Variants in EREG observed in about 807,000 individuals in gnomAD.
EREG encodes the protein epiregulin.
Under a neutral mutation model 22.4 loss-of-function variants are expected in EREG, and 23 were observed. The ratio of observed to expected loss-of-function variants is 1.03; its 90% CI spans 0.74 to 1.46. The LOEUF is 1.46. EREG is among the 40% of genes most tolerant of loss of function. EREG has a pLI of 0.00. For synonymous variants in EREG, 100 were observed against 75.4 expected (o/e 1.33, Z -1.69); for missense variants, 226 against 205.9 (o/e 1.10, Z -0.60).
chr4:74,379,524 C>T lies in EREG; in HGVS notation c.144C>T (p.Cys48=), dbSNP rs1198032770. 6.2e-7 allele frequency: 1 copy of T among 1,602,962 alleles called. No homozygotes were observed. Among genetic ancestry groups the T allele is most frequent in the East Asian group, 2.2e-5 (1 of 44,794 alleles). The change falls in exon 2 of 5, where the codon TGC becomes TGT. Residue 48 remains cysteine, a synonymous_variant. Transcript: ENST00000244869. ...TCCCAGGAGAGTCCAGTGATAACTG[C>T]ACAGCTTTAGGTAAGCCCAAGTTTG... ...SCIPGESSDN[C]TALVQTEDNP...
chr4:74,376,321 A>G (rs567176049), intron 1 of EREG, among the ~76,000 whole-genome samples: 1 of 152,300 alleles, frequency 6.6e-6, no homozygotes, highest in Admixed American at 6.5e-5. Context: ...TGGAGGGAGA[A>G]TTGGTAATGT....
chr4:74,376,929 T>C (rs1358228598), intron 1 of EREG, among the ~76,000 whole-genome samples: 1 of 150,816 alleles, frequency 6.6e-6, no homozygotes, highest in Non-Finnish European at 1.5e-5. Flanking sequence ...GTAATTTACT[T>C]TTCAGAACCC....
At chr4:74,375,073 G>GT (rs551174960) in intron 1 of EREG, among the ~76,000 whole-genome samples, 57 of 151,960 alleles carry the variant, frequency 3.8e-4, no homozygotes, top group African/African-American at 1.3e-3. Context: ...CACCAGATCT[G>GT]TTTTTTTGAC....
rs1752584977 is a variant in EREG at position 74,387,295 on chromosome 4, A to T, written c.*2487A>T. 6.6e-6 allele frequency: 1 copy of T among 151,902 alleles called. No homozygotes were observed. The highest frequency in any genetic ancestry group is 6.6e-5 in the Admixed American group (1 of 15,194). The allele number at this position is 151,902 out of a possible 1,614,324, so 9.4% of individuals were successfully genotyped here. A position where few individuals can be genotyped will look rare whatever the true frequency, so the allele number is the denominator to read the frequency against. On this transcript the variant is annotated 3_prime_UTR_variant, in exon 5 of 5. Coordinates refer to ENST00000244869, the MANE Select transcript of EREG (RefSeq NM_001432.3). ...TTATTAACGCTTACTAGATGTGAGG[A>T]GAGTCTGAATATTTTCAGTGATCTT...
chr4:74,370,168 C>G (rs1161376675), intron 1 of EREG, among the ~76,000 whole-genome samples: 2 of 152,176 alleles, frequency 1.3e-5, no homozygotes, highest in Non-Finnish European at 2.9e-5. Flanking sequence ...TCCTTAGGCA[C>G]TTCTCTGATA....
At chr4:74,371,126 T>C (rs1752282566) in intron 1 of EREG, among the ~76,000 whole-genome samples, 1 of 152,116 alleles carries the variant, frequency 6.6e-6, no homozygotes, top group Non-Finnish European at 1.5e-5. Context: ...ATTTTGCCAA[T>C]GAGGGATACA....
At chr4:74,380,445 T>C (rs72859366) in intron 2 of EREG, among the ~76,000 whole-genome samples, 11,566 of 152,180 alleles carry the variant, frequency 0.076, 778 homozygotes, top group African/African-American at 0.18. Flanking sequence ...CCTTTCTCAC[T>C]CAGGGTTTGT....
intron 1 of EREG, among the ~76,000 whole-genome samples, chr4:74,373,658 T>TATATGTGTAC (rs1752330664): frequency 6.8e-6 from 1 of 147,958 alleles, no homozygotes; most frequent in Non-Finnish European, 1.5e-5. Flanking sequence ...AATATATGTA[T>TATATGTGTAC]ATATGTGTTC....
chr4:74,376,619 A>G lies in EREG; in HGVS notation c.68-2829A>G, dbSNP rs1438197393. Among the ~76,000 whole-genome samples the G allele has an allele frequency of 2.0e-5, 3 of 152,232 alleles. No individual in the cohort carries two copies. In the East Asian group the frequency reaches 5.8e-4, roughly 29 times the overall value. On this transcript the variant is annotated intron_variant, in intron 1 of 4. Coordinates refer to ENST00000244869, the MANE Select transcript of EREG (RefSeq NM_001432.3). ...GCTATTTCTTTGTCATTCAACAAAA[A>G]TATATTTTTTGTAGTTCCACAAGAG...
intron 1 of EREG, among the ~76,000 whole-genome samples, chr4:74,377,275 A>C (rs1350207243): frequency 2.6e-5 from 4 of 152,140 alleles, no homozygotes; most frequent in African/African-American, 9.7e-5. Flanking sequence ...CACGTAGCTC[A>C]AGTTTTCCTC....
rs1752537439 is a variant in EREG, at chr4:74,384,587, T to A, written c.429-140T>A. The A allele has an allele frequency of 1.1e-5, 4 of 374,314 alleles. No homozygotes were observed. The highest frequency in any genetic ancestry group is 9.7e-6 in the Non-Finnish European group (2 of 206,682). The allele number at this position is 374,314 out of a possible 1,614,324, so 23.2% of individuals were successfully genotyped here. ...TCATCCCTCTTTTTTTTTTTTTTTTTAACATTGTCCAACCTAAATCTGTTC... is the reference window on the plus strand; with the variant it reads ...TCATCCCTCTTTTTTTTTTTTTTTTAAACATTGTCCAACCTAAATCTGTTC... On this transcript the variant is annotated intron_variant, in intron 4 of 4. Transcript: ENST00000244869.
In EREG at chr4:74,385,249, G is replaced by A. The variant is rs1560600724; in HGVS notation, c.*441G>A. On this transcript the variant is annotated 3_prime_UTR_variant, in exon 5 of 5. Coordinates refer to ENST00000244869, the MANE Select transcript of EREG (RefSeq NM_001432.3). ...AATTGGTTTGACTGTACCATGGTTTGATATGTAGTTGGCACCATGGTATCA... is the reference window on the plus strand; with the variant it reads ...AATTGGTTTGACTGTACCATGGTTTAATATGTAGTTGGCACCATGGTATCA... The A allele has an allele frequency of 6.5e-6, 1 of 154,968 alleles. No homozygotes were observed. The highest frequency in any genetic ancestry group is 2.0e-4 in the South Asian group (1 of 4,956). The allele number at this position is 154,968 out of a possible 1,614,324, so 9.6% of individuals were successfully genotyped here. A position where few individuals can be genotyped will look rare whatever the true frequency, so the allele number is the denominator to read the frequency against.
In EREG at chr4:74,380,865, A is replaced by G; in HGVS notation, c.155-149A>G. ...GATTGGTCTAGGGGGTGTGACAACT[A>G]GAGTGACTTCCTACTTCTCAAAATT... On this transcript the variant is annotated intron_variant, in intron 2 of 4. Transcript: ENST00000244869. The G allele has an allele frequency of 1.1e-5, 8 of 722,838 alleles. No homozygotes were observed. The South Asian group carries it at 1.1e-4, about 10-fold the overall frequency. 44.8% of individuals were successfully genotyped at this position (722,838 alleles called of 1,614,324 possible). A position where few individuals can be genotyped will look rare whatever the true frequency, so the allele number is the denominator to read the frequency against.
rs1482767281 is a variant in EREG at position 74,386,063 on chromosome 4, G to A, written c.*1255G>A. ...CCTGACATTTGTTTATTTTTTGGAA[G>A]AGACAAAGATTTCTTCTGCACTCTG... On this transcript the variant is annotated 3_prime_UTR_variant, in exon 5 of 5. Coordinates refer to ENST00000244869, the MANE Select transcript of EREG (RefSeq NM_001432.3). 5.7e-6 allele frequency: 2 copies of A among 348,572 alleles called. No individual in the cohort carries two copies. The highest frequency in any genetic ancestry group is 1.0e-5 in the Non-Finnish European group (2 of 194,162). 21.6% of individuals were successfully genotyped at this position (348,572 alleles called of 1,614,324 possible). A position where few individuals can be genotyped will look rare whatever the true frequency, so the allele number is the denominator to read the frequency against.
rs1389983899 is a variant in EREG at position 74,384,576 on chromosome 4, T to G, written c.429-151T>G. The G allele has an allele frequency of 1.3e-5, 6 of 462,592 alleles. No homozygotes were observed. In the East Asian group the frequency reaches 1.9e-4, roughly 15 times the overall value. The allele number at this position is 462,592 out of a possible 1,614,324, so 28.7% of individuals were successfully genotyped here. The stretch of plus-strand genomic sequence containing the variant: ...ACATCACCTCTTCATCCCTCTTTTT[T>G]TTTTTTTTTTTAACATTGTCCAACC... On this transcript the variant is annotated intron_variant, in intron 4 of 4. Transcript: ENST00000244869.
At position 74,374,354 on chromosome 4, in the gene EREG, G is replaced by A. The variant is rs150355519; in HGVS notation, c.68-5094G>A. ...CCTCCTCTGTACTGGCCTCCTTCTG[G>A]ATGAGCCCTCAGTGCAATCCTTAGG... On this transcript the variant is annotated intron_variant, in intron 1 of 4. Transcript: ENST00000244869. Among the ~76,000 whole-genome samples, 1,059 of 152,114 alleles carry A rather than the reference G, an allele frequency of 7.0e-3. 12 individuals carry two copies. Among genetic ancestry groups the A allele is most frequent in the African/African-American group, 0.024 (1,002 of 41,486 alleles).
At chr4:74,365,793 G>A (rs188013416) in intron 1 of EREG, among the ~76,000 whole-genome samples, 12 of 150,526 alleles carry the variant, frequency 8.0e-5, no homozygotes, top group Admixed American at 6.0e-4. Flanking sequence ...GAAATTTTTT[G>A]GAGGGGGGAA....
At chr4:74,371,919 C>T (rs139521800) in intron 1 of EREG, among the ~76,000 whole-genome samples, 4 of 151,972 alleles carry the variant, frequency 2.6e-5, no homozygotes, top group African/African-American at 7.3e-5. Flanking sequence ...TCCTTACCAC[C>T]CTTAGGTGTC....
chr4:74,372,000 A>T (rs963254730), intron 1 of EREG, among the ~76,000 whole-genome samples: 1 of 152,162 alleles, frequency 6.6e-6, no homozygotes, highest in African/African-American at 2.4e-5. Flanking sequence ...TGTTTTGTTC[A>T]ATATCTTGCA....
Sources: gnomAD v4.1 joint callset for allele counts (sites outside exome capture counted in the v4.1 genomes callset) on GRCh38, gnomAD v4.1.1 for gene constraint, MANE v1.5 for transcripts, NCBI Gene and HGNC (gene_info 2026-07-23, HGNC 2026-07-21) for gene names.